The following ZNF362 variants were observed in gnomAD, a reference collection of about 807,000 sequenced individuals.
ZNF362 encodes the protein rotund homolog.
ZNF362 carries 11 observed loss-of-function variants against 42.9 expected under a neutral mutation model. The ratio of observed to expected loss-of-function variants is 0.26; its 90% confidence interval spans 0.16 to 0.42. ZNF362 has a LOEUF of 0.42. ZNF362 is among the 20% of genes least tolerant of loss of function. ZNF362 has a pLI of 1.00. For missense variants in ZNF362, 362 were observed against 576.2 expected, an observed-to-expected ratio of 0.63 and a Z score of 3.81; for synonymous variants, 255 against 257.3, an observed-to-expected ratio of 0.99 and a Z score of 0.09.
the ZNF362 span, among the ~76,000 whole-genome samples, chr1:33,238,366 T>A: frequency 1.4e-4 from 12 of 88,430 alleles, no homozygotes; most frequent in African/African-American, 3.8e-4. Context: ...AATAAAATAA[T>A]AAAATAAAAT....
At chr1:33,194,592 C>G in the ZNF362 span, among the ~76,000 whole-genome samples, 5 of 149,678 alleles carry the variant, frequency 3.3e-5, no homozygotes, top group African/African-American at 9.8e-5. Context: ...TATTAAATCT[C>G]TGATACTTAC....
the ZNF362 span, among the ~76,000 whole-genome samples, chr1:33,199,366 C>A: frequency 2.0e-5 from 3 of 151,852 alleles, no homozygotes; most frequent in Non-Finnish European, 4.4e-5. Flanking sequence ...GATAGTGGAA[C>A]AACATCTTTA....
At chr1:33,243,878 C>A in the ZNF362 span, among the ~76,000 whole-genome samples, 1 of 151,700 alleles carries the variant, frequency 6.6e-6, no homozygotes, top group Non-Finnish European at 1.5e-5. Context: ...TTGCAAAGTG[C>A]TGGGATTACA....
upstream of ZNF362, among the ~76,000 whole-genome samples, chr1:33,252,830 T>TA (rs1401017402): frequency 6.6e-6 from 1 of 152,076 alleles, no homozygotes; most frequent in Admixed American, 6.6e-5. Context: ...GGCTAACTGC[T>TA]AAAAAAAGAA....
At chr1:33,167,524 A>G in the ZNF362 span, among the ~76,000 whole-genome samples, 35,340 of 152,044 alleles carry the variant, frequency 0.23, 4,234 homozygotes, top group South Asian at 0.3. This position sits in a 1 kb window ranked among gnomAD's most constrained non-coding sequence, Gnocchi z 4.2. Context: ...TTGGCCCACA[A>G]GTCCTCCAGG....
At chr1:33,265,402 C>T (rs893055886) in intron 1 of ZNF362, among the ~76,000 whole-genome samples, 2 of 152,166 alleles carry the variant, frequency 1.3e-5, no homozygotes, top group Admixed American at 6.5e-5. Context: ...ACCCCTCCTG[C>T]TCTGATTAGC....
At chr1:33,287,636 TTTTC>T (rs969873516) in intron 6 of ZNF362, among the ~76,000 whole-genome samples, 1 of 152,216 alleles carries the variant, frequency 6.6e-6, no homozygotes, top group African/African-American at 2.4e-5. Context: ...TTGTTTTTGT[TTTTC>T]TTTTCCTGAC....
intron 2 of ZNF362, among the ~76,000 whole-genome samples, chr1:33,273,720 T>C (rs1434417604): frequency 6.6e-6 from 1 of 152,208 alleles, no homozygotes; most frequent in South Asian, 2.1e-4. Context: ...TCCCTCCTGG[T>C]GCCCTTGTTT....
At chr1:33,271,248 A>G (rs1198048415) in intron 2 of ZNF362, among the ~76,000 whole-genome samples, 2 of 152,190 alleles carry the variant, frequency 1.3e-5, no homozygotes, top group Non-Finnish European at 2.9e-5. Context: ...CTGCCAGGCA[A>G]CACCGAACGC....
At chr1:33,156,414 T>C in the ZNF362 span, among the ~76,000 whole-genome samples, 1 of 152,224 alleles carries the variant, frequency 6.6e-6, no homozygotes, top group East Asian at 1.9e-4. Flanking sequence ...AATAGTCTCT[T>C]CTGGGTTCTC....
chr1:33,203,110 C>A, the ZNF362 span, among the ~76,000 whole-genome samples: 1 of 152,120 alleles, frequency 6.6e-6, no homozygotes, highest in Non-Finnish European at 1.5e-5. Context: ...AGCTACAACA[C>A]TGTATCCTTG....
chr1:33,279,766 C>T (rs1645977641), intron 4 of ZNF362, among the ~76,000 whole-genome samples: 1 of 151,880 alleles, frequency 6.6e-6, no homozygotes, highest in Admixed American at 6.6e-5. Context: ...ACCTCCTTTT[C>T]AATGGGCAGT....
rs892348614 is a variant in ZNF362 at position 33,294,355 on chromosome 1, G to A, written c.909-582G>A. On this transcript the variant is annotated intron_variant, in intron 6 of 8. Coordinates refer to ENST00000539719, the MANE Select transcript of ZNF362 (RefSeq NM_152493.3). This position sits in a 1 kb window ranked among gnomAD's most constrained non-coding sequence, Gnocchi z 4.2. Reference sequence around the variant, plus strand: ...CAGGATGAGAACCCAGGAGTGGCAGGGACAGAAGGAGCTCTCAGGAAGGAC... The same window carrying A: ...CAGGATGAGAACCCAGGAGTGGCAGAGACAGAAGGAGCTCTCAGGAAGGAC... 5.9e-5 allele frequency among the ~76,000 whole-genome samples: 9 copies of A among 152,196 alleles called. No homozygotes were observed. The highest frequency in any genetic ancestry group is 2.2e-4 in the African/African-American group (9 of 41,440).
At chr1:33,277,310 C>T (rs556608841) in intron 4 of ZNF362, among the ~76,000 whole-genome samples, 29 of 152,340 alleles carry the variant, frequency 1.9e-4, no homozygotes, top group Non-Finnish European at 2.8e-4. Flanking sequence ...CGTGCAACCA[C>T]GGTTTACAGC....
the ZNF362 span, among the ~76,000 whole-genome samples, chr1:33,177,958 A>C: frequency 6.6e-6 from 1 of 152,192 alleles, no homozygotes; most frequent in Non-Finnish European, 1.5e-5. This position sits in a 1 kb window ranked among gnomAD's most constrained non-coding sequence, Gnocchi z 4.1. Context: ...CCAAAGTCAC[A>C]CAGTAAATGG....
At chr1:33,127,699 G>A in the ZNF362 span, among the ~76,000 whole-genome samples, 6 of 152,234 alleles carry the variant, frequency 3.9e-5, no homozygotes, top group East Asian at 1.2e-3. Context: ...ACTTGTCTCC[G>A]ATGTCCTTCT....
the ZNF362 span, chr1:33,176,424 G>A: frequency 8.6e-6 from 6 of 698,034 alleles, no homozygotes; most frequent in South Asian, 4.5e-5. Context: ...TTGCGTCCAA[G>A]GCTGATCCAC....
the ZNF362 span, among the ~76,000 whole-genome samples, chr1:33,218,689 C>T: frequency 2.2e-4 from 34 of 151,980 alleles, no homozygotes; most frequent in Non-Finnish European, 3.8e-4. Context: ...TGTCCTTTGT[C>T]TATTTTTTTC....
the ZNF362 span, among the ~76,000 whole-genome samples, chr1:33,201,066 A>AT: frequency 7.8e-4 from 117 of 150,606 alleles, no homozygotes; most frequent in Admixed American, 3.4e-3. Flanking sequence ...TGAGGAAATA[A>AT]TTTTTTTTTT....
Sources: allele counts gnomAD v4.1 joint callset (sites outside exome capture counted in the v4.1 genomes callset), GRCh38; gene constraint gnomAD v4.1.1; non-coding constraint Gnocchi (gnomAD v3.1); transcripts MANE v1.5; gene names NCBI Gene and HGNC (gene_info 2026-07-23, HGNC 2026-07-21).